The following TRAK1 variants were observed in gnomAD, a reference collection of about 807,000 sequenced individuals.
TRAK1 encodes trafficking kinesin protein 1.
A neutral mutation model predicts 92.1 loss-of-function variants in TRAK1; 33 were observed. That is an observed-to-expected ratio of 0.36 (90% CI 0.27 to 0.48). The LOEUF is 0.48. Ranked by LOEUF, TRAK1 falls within the 20% of genes least tolerant of loss-of-function variation. TRAK1 has a pLI of 0.99. For missense variants in TRAK1, 1,123 were observed against 1,257.9 expected, an observed-to-expected ratio of 0.89 and a Z score of 1.62; for synonymous variants, 521 against 517.3, an observed-to-expected ratio of 1.01 and a Z score of -0.10.
chr3:42,221,833 C>T (rs1453905768), intron 15 of TRAK1: 1 of 152,150 alleles, frequency 6.6e-6, no homozygotes, highest in Non-Finnish European at 1.5e-5. Context: ...AAAAGAGAAC[C>T]TTTCCAAGCT....
Position 42,202,718 on chromosome 3 carries a change from G to A in TRAK1, c.1710G>A (p.Leu570=), listed in dbSNP as rs764249160. The change falls in exon 13 of 16, where the codon CTG becomes CTA. Residue 570 remains leucine, a synonymous_variant. Transcript: ENST00000327628. The surrounding 1 kb of genome is among the most constrained non-coding windows in gnomAD (Gnocchi z 6.1). The stretch of plus-strand genomic sequence containing the variant: ...TGTCCTTCAGCAGCCGCTCCTACCT[G>A]CCTGAGAAGCTCCAGATCGTGAAGC... ...SGMSFSSRSY[L]PEKLQIVKPL... The A allele has an allele frequency of 6.2e-7, 1 of 1,613,938 alleles. No individual in the cohort carries two copies. The highest frequency in any genetic ancestry group is 8.5e-7 in the Non-Finnish European group (1 of 1,179,894).
intron 1 of TRAK1, among the ~76,000 whole-genome samples, chr3:42,018,266 TAA>T (rs11289370): frequency 0.011 from 1,536 of 145,626 alleles, 11 homozygotes; most frequent in African/African-American, 0.022. Context: ...AGACCCCATC[TAA>T]AAAAAAAAAA....
chr3:42,091,847 G>T (rs1036885966), intron 1 of TRAK1, among the ~76,000 whole-genome samples: 1 of 152,084 alleles, frequency 6.6e-6, no homozygotes, highest in Non-Finnish European at 1.5e-5. Flanking sequence ...TGAGCACAGG[G>T]CTGAGTTGAG....
Position 42,217,826 on chromosome 3 carries a change from T to A in TRAK1, c.1964-1668T>A, listed in dbSNP as rs530252250. 3.0e-6 allele frequency: 3 copies of A among 985,414 alleles called. No homozygotes were observed. In the South Asian group the frequency reaches 1.4e-4, roughly 46 times the overall value. 61.0% of individuals were successfully genotyped at this position (985,414 alleles called of 1,614,324 possible). A position where few individuals can be genotyped will look rare whatever the true frequency, so the allele number is the denominator to read the frequency against. ...TATTGCGGGAAGAGAATCGTGATTG[T>A]TTGGTTGCCTTCTCTTCATAGCTTA... On this transcript the variant is annotated intron_variant, in intron 14 of 15. Coordinates refer to ENST00000327628, the MANE Select transcript of TRAK1 (RefSeq NM_001042646.3).
intron 15 of TRAK1, among the ~76,000 whole-genome samples, chr3:42,222,713 G>C (rs1049981673): frequency 6.6e-6 from 1 of 152,116 alleles, no homozygotes; most frequent in Non-Finnish European, 1.5e-5. Context: ...CACCAACCAG[G>C]GATGGGCAAA....
In TRAK1 at chr3:42,219,569, C is replaced by T. The variant is rs745409830; in HGVS notation, c.2039C>T (p.Ser680Leu). Residue 680 changes from serine to leucine, a missense_variant, in exon 15 of 16, where the codon TCA becomes TTA. Physicochemically the swap from Ser to Leu is moderately radical, Grantham distance 145 (BLOSUM62 -2). Coordinates refer to ENST00000327628, the MANE Select transcript of TRAK1 (RefSeq NM_001042646.3). ...TFTTCRILHP[S>L]DELTRVTPSL... ...ACCACCTGTCGCATCCTGCATCCTT[C>T]AGATGAGCTCACTCGGGTCACACCA... 6.2e-7 allele frequency: 1 copy of T among 1,609,994 alleles called. No homozygotes were observed. Among genetic ancestry groups the T allele is most frequent in the Admixed American group, 1.7e-5 (1 of 59,854 alleles).
At chr3:42,141,362 A>G (rs1268204175) in intron 2 of TRAK1, among the ~76,000 whole-genome samples, 1 of 152,216 alleles carries the variant, frequency 6.6e-6, no homozygotes, top group Non-Finnish European at 1.5e-5. Flanking sequence ...CTCACACTTA[A>G]TATAAGCATC....
intron 15 of TRAK1, among the ~76,000 whole-genome samples, chr3:42,219,874 C>T (rs148368974): frequency 1.4e-5 from 2 of 139,784 alleles, no homozygotes; most frequent in African/African-American, 5.2e-5. Flanking sequence ...CGGCTCACTG[C>T]AACCTCCACC....
intron 1 of TRAK1, among the ~76,000 whole-genome samples, chr3:42,052,483 T>C (rs535072519): frequency 6.6e-6 from 1 of 152,380 alleles, no homozygotes; most frequent in East Asian, 1.9e-4. Context: ...TAGTCTTATC[T>C]GAGGCTTCCT....
intron 1 of TRAK1, among the ~76,000 whole-genome samples, chr3:42,053,761 T>G (rs1703083466): frequency 6.6e-6 from 1 of 151,972 alleles, no homozygotes; most frequent in Non-Finnish European, 1.5e-5. Flanking sequence ...GCCTTTCCCC[T>G]CCCTCACCAA....
chr3:42,124,972 A>G lies in TRAK1; in HGVS notation c.92-448A>G, dbSNP rs919649075. ...GAAGGAAGTGTGGATGAATGAACAG[A>G]TGAATGAATAAATTAAATGAAGGCA... On this transcript the variant is annotated intron_variant, in intron 1 of 15. Coordinates refer to ENST00000327628, the MANE Select transcript of TRAK1 (RefSeq NM_001042646.3). 3.3e-5 allele frequency among the ~76,000 whole-genome samples: 5 copies of G among 152,214 alleles called. No homozygotes were observed. The South Asian group carries it at 6.2e-4, about 19-fold the overall frequency.
chr3:42,120,905 G>A (rs1310267227), intron 1 of TRAK1, among the ~76,000 whole-genome samples: 3 of 152,158 alleles, frequency 2.0e-5, no homozygotes, highest in African/African-American at 7.2e-5. Flanking sequence ...TTGTGATTAT[G>A]TTTCATTTTA....
intron 3 of TRAK1, among the ~76,000 whole-genome samples, chr3:42,183,738 T>A (rs746014276): frequency 7.9e-5 from 12 of 152,134 alleles, no homozygotes; most frequent in Non-Finnish European, 1.8e-4. Flanking sequence ...TCAAACCAGA[T>A]GAGCAGAGTA....
At chr3:42,140,915 CTGTGTGCTAG>C (rs1698567108) in intron 2 of TRAK1, among the ~76,000 whole-genome samples, 1 of 152,112 alleles carries the variant, frequency 6.6e-6, no homozygotes, top group Non-Finnish European at 1.5e-5. Context: ...TCGGAGGGCT[CTGTGTGCTAG>C]CAGTAAGGTG....
At chr3:42,059,215 TC>T (rs1295623645) in intron 1 of TRAK1, among the ~76,000 whole-genome samples, 5 of 151,990 alleles carry the variant, frequency 3.3e-5, no homozygotes, top group Non-Finnish European at 7.4e-5. Flanking sequence ...CCCCTCAGCT[TC>T]CTGAGTAGCT....
intron 1 of TRAK1, among the ~76,000 whole-genome samples, chr3:42,116,122 G>A (rs993990192): frequency 6.6e-6 from 1 of 152,260 alleles, no homozygotes; most frequent in African/African-American, 2.4e-5. Flanking sequence ...TGGGCAAACA[G>A]CGGAAAGCGA....
intron 2 of TRAK1, among the ~76,000 whole-genome samples, chr3:42,138,876 G>GTGT (rs1553730371): frequency 0.091 from 10,820 of 118,706 alleles, 887 homozygotes; most frequent in Admixed American, 0.12. Flanking sequence ...AAGCATAGGG[G>GTGT]GTGTGTGTGT....
chr3:42,219,527 A>C lies in TRAK1; in HGVS notation c.1997A>C (p.Asn666Thr), dbSNP rs753076354. The change falls in exon 15 of 16, where the codon AAC becomes ACC. Residue 666 changes from asparagine to threonine, a missense_variant. Around this residue, in one of 3 missense-constraint regions of TRAK1, gnomAD observed 401 missense variants for 438.9 expected, o/e 0.91. Coordinates refer to ENST00000327628, the MANE Select transcript of TRAK1 (RefSeq NM_001042646.3). ...HHPGKCMSQT[N>T]STFTFTTCRI... Reference sequence around the variant, plus strand: ...CCTGGGAAGTGCATGTCTCAGACCAACTCCACCTTCACCTTCACCACCTGT... The same window carrying C: ...CCTGGGAAGTGCATGTCTCAGACCACCTCCACCTTCACCTTCACCACCTGT... 1.2e-6 allele frequency: 2 copies of C among 1,611,850 alleles called. No individual in the cohort carries two copies. Among genetic ancestry groups the C allele is most frequent in the South Asian group, 1.1e-5 (1 of 91,010 alleles).
intron 1 of TRAK1, among the ~76,000 whole-genome samples, chr3:42,114,551 A>T (rs1214115871): frequency 6.6e-6 from 1 of 152,216 alleles, no homozygotes; most frequent in African/African-American, 2.4e-5. Context: ...CATACTGTCA[A>T]ACTGTTTACT....
Sources: allele counts gnomAD v4.1 joint callset (sites outside exome capture counted in the v4.1 genomes callset), GRCh38; gene constraint gnomAD v4.1.1; regional missense constraint gnomAD v4.1.1; non-coding constraint Gnocchi (gnomAD v3.1); transcripts MANE v1.5; gene names NCBI Gene and HGNC (gene_info 2026-07-23, HGNC 2026-07-21).